ASIC2: variants seen among roughly 807,000 people sequenced by gnomAD.
The protein encoded by ASIC2 is acid sensing ion channel subunit 2, also known as acid-sensing ion channel 2.
ASIC2 carries 25 observed loss-of-function variants against 57.3 expected under a neutral mutation model. That is an observed-to-expected ratio of 0.44 (90% CI 0.32 to 0.61). The LOEUF is 0.61. Among genes scored for constraint, ASIC2 ranks in the 20% least tolerant of loss-of-function variants. The probability of loss-of-function intolerance (pLI) is 0.06; values close to 1 mark genes in which losing one functional copy is unlikely to be tolerated. For synonymous variants in ASIC2, 319 were observed against 307.5 expected, an observed-to-expected ratio of 1.04 and a Z score of -0.39; for missense variants, 641 against 738.1, an observed-to-expected ratio of 0.87 and a Z score of 1.52.
intron 1 of ASIC2, among the ~76,000 whole-genome samples, chr17:34,139,341 C>T (rs1006884437): frequency 2.0e-5 from 3 of 152,064 alleles, no homozygotes; most frequent in Admixed American, 6.5e-5. Flanking sequence ...TTAAGTGATA[C>T]CACATGGAAA....
In ASIC2 at chr17:33,244,072, ACTGTGGTG is replaced by A. The variant is rs1204355435; in HGVS notation, c.708+47328_708+47335del. Among the ~76,000 whole-genome samples, 27 of 152,340 alleles carry A rather than the reference ACTGTGGTG, an allele frequency of 1.8e-4. 1 individual carries two copies. Among genetic ancestry groups the A allele is most frequent in the African/African-American group, 6.5e-4 (27 of 41,584 alleles). ...GCAACAAATGCACATCGCTAGGCTA[ACTGTGGTG>A]CTGAGGGAATTAAACTGATAAGGTT... On this transcript the variant is annotated intron_variant, in intron 1 of 9. Transcript: ENST00000225823.
chr17:33,546,278 C>A (rs1195104823), intron 1 of ASIC2, among the ~76,000 whole-genome samples: 1 of 151,992 alleles, frequency 6.6e-6, no homozygotes, highest in East Asian at 1.9e-4. Flanking sequence ...TTGCTATGTC[C>A]TCTATGGAAT....
intron 1 of ASIC2, among the ~76,000 whole-genome samples, chr17:33,516,579 C>T (rs1914578935): frequency 6.6e-6 from 1 of 152,162 alleles, no homozygotes; most frequent in African/African-American, 2.4e-5. Context: ...GGACCCTGGA[C>T]ATTGGGAATT....
At chr17:33,281,546 G>A (rs1260619867) in intron 1 of ASIC2, among the ~76,000 whole-genome samples, 1 of 152,062 alleles carries the variant, frequency 6.6e-6, no homozygotes, top group East Asian at 1.9e-4. Flanking sequence ...TGATTTTTAA[G>A]TTTTGAAACA....
chr17:33,499,478 C>T (rs1914037989), intron 1 of ASIC2, among the ~76,000 whole-genome samples: 1 of 152,174 alleles, frequency 6.6e-6, no homozygotes, highest in African/African-American at 2.4e-5. Context: ...AGGCAGAGAT[C>T]AAGGTGATGC....
chr17:33,454,330 G>A (rs1343594650), intron 1 of ASIC2, among the ~76,000 whole-genome samples: 1 of 152,152 alleles, frequency 6.6e-6, no homozygotes, highest in African/African-American at 2.4e-5. Flanking sequence ...ACCAGAAATA[G>A]CCCAGAGAAG....
intron 1 of ASIC2, among the ~76,000 whole-genome samples, chr17:34,153,407 C>T (rs1248518177): frequency 6.6e-6 from 1 of 152,206 alleles, no homozygotes; most frequent in South Asian, 2.1e-4. Context: ...GGTCAAGTGG[C>T]TTCTCCAACA....
At chr17:33,310,877 C>T (rs1293342419) in intron 1 of ASIC2, among the ~76,000 whole-genome samples, 1 of 152,060 alleles carries the variant, frequency 6.6e-6, no homozygotes, top group African/African-American at 2.4e-5. Flanking sequence ...TCTATATCTG[C>T]CTCTATATCT....
At chr17:33,141,339 T>C (rs764175247) in intron 1 of ASIC2, among the ~76,000 whole-genome samples, 1 of 152,226 alleles carries the variant, frequency 6.6e-6, no homozygotes, top group African/African-American at 2.4e-5. Flanking sequence ...GGCAACCAGC[T>C]TTCTTTTACA....
intron 1 of ASIC2, among the ~76,000 whole-genome samples, chr17:34,019,006 C>T (rs892243301): frequency 1.3e-5 from 2 of 152,140 alleles, no homozygotes; most frequent in African/African-American, 2.4e-5. Flanking sequence ...CTCCCAGGTT[C>T]ATGCCATTCT....
intron 1 of ASIC2, among the ~76,000 whole-genome samples, chr17:33,799,755 G>A (rs1025854455): frequency 6.6e-6 from 1 of 151,768 alleles, no homozygotes; most frequent in Non-Finnish European, 1.5e-5. Context: ...GGTGACTATA[G>A]CTACCATATA....
At chr17:33,799,377 C>CTTCCTTTCTTT (rs1567718840) in intron 1 of ASIC2, among the ~76,000 whole-genome samples, 2 of 40,914 alleles carry the variant, frequency 4.9e-5, no homozygotes, top group African/African-American at 1.3e-4. Context: ...TTTCTTTCTT[C>CTTCCTTTCTTT]CTTTCTTTCT....
chr17:33,024,043 T>C, intron 5 of ASIC2, 29 bp from the exon 6 acceptor site: 1 of 1,613,592 alleles, frequency 6.2e-7, no homozygotes, highest in Non-Finnish European at 8.5e-7. Context: ...TGGGGCTTAG[T>C]CAGGTGTGGG....
At chr17:33,187,798 G>T (rs546713711) in intron 1 of ASIC2, among the ~76,000 whole-genome samples, 1 of 151,116 alleles carries the variant, frequency 6.6e-6, no homozygotes, top group African/African-American at 2.4e-5. Flanking sequence ...TAACTTAATT[G>T]CATCCCAGGA....
intron 1 of ASIC2, among the ~76,000 whole-genome samples, chr17:33,637,675 TAAGG>T (rs1405574944): frequency 3.3e-5 from 5 of 152,024 alleles, no homozygotes; most frequent in South Asian, 2.1e-4. Context: ...AGAAAGCAAA[TAAGG>T]AAGGAAGGAA....
chr17:33,905,873 G>A (rs528024667), intron 1 of ASIC2, among the ~76,000 whole-genome samples: 109 of 152,036 alleles, frequency 7.2e-4, no homozygotes, highest in Non-Finnish European at 1.4e-3. Context: ...GCTGGAGTGC[G>A]GTGGCATAAT....
chr17:33,901,656 C>G (rs1376078273), intron 1 of ASIC2, among the ~76,000 whole-genome samples: 1 of 152,166 alleles, frequency 6.6e-6, no homozygotes, highest in Non-Finnish European at 1.5e-5. Flanking sequence ...AATGAGGGGT[C>G]TGAACAAGTT....
At chr17:34,087,015 A>C (rs535766162) in intron 1 of ASIC2, among the ~76,000 whole-genome samples, 116 of 152,156 alleles carry the variant, frequency 7.6e-4, no homozygotes, top group East Asian at 2.3e-3. Context: ...TGTGTCTTTT[A>C]ATTGGAGCAT....
intron 4 of ASIC2, among the ~76,000 whole-genome samples, chr17:33,026,205 T>A (rs531357546): frequency 7.9e-5 from 12 of 152,310 alleles, no homozygotes; most frequent in Non-Finnish European, 1.3e-4. Context: ...TTCACCTCGT[T>A]GAGCAGGAGA....
Sources: allele counts gnomAD v4.1 joint callset (sites outside exome capture counted in the v4.1 genomes callset), GRCh38; gene constraint gnomAD v4.1.1; transcripts MANE v1.5; gene names NCBI Gene and HGNC (gene_info 2026-07-23, HGNC 2026-07-21).